Variants in SAXO1 observed in about 807,000 individuals in gnomAD.
SAXO1 encodes stabilizer of axonemal microtubules 1.
A neutral mutation model predicts 17.5 loss-of-function variants in SAXO1; 21 were observed. The ratio of observed to expected loss-of-function variants is 1.20; its 90% confidence interval spans 0.85 to 1.72. The LOEUF (loss-of-function observed/expected upper bound fraction) is 1.72, where lower values mean the gene tolerates loss of function less well. Among genes scored for constraint, SAXO1 ranks in the 40% most tolerant of loss-of-function variants. The pLI is 0.00. For missense variants in SAXO1, 843 were observed against 596.0 expected, an observed-to-expected ratio of 1.41 and a Z score of -4.32; for synonymous variants, 274 against 216.5, an observed-to-expected ratio of 1.27 and a Z score of -2.33.
intron 1 of SAXO1, among the ~76,000 whole-genome samples, chr9:19,007,519 T>C (rs998233316): frequency 6.6e-6 from 1 of 152,230 alleles, no homozygotes; most frequent in Non-Finnish European, 1.5e-5. Context: ...GACTCCCTTC[T>C]TTTAGAAGTT....
intron 1 of SAXO1, among the ~76,000 whole-genome samples, chr9:19,031,005 A>G (rs1466871210): frequency 6.6e-6 from 1 of 152,246 alleles, no homozygotes; most frequent in Non-Finnish European, 1.5e-5. Context: ...AAGAGACACA[A>G]GAACAGACTC....
In SAXO1 at chr9:19,014,453, T is replaced by C. The variant is rs546667975; in HGVS notation, c.38+18418A>G. ...TCCAGCCTGGGCAACAGAGCGAAACTGTGTCTCAAAAAAAAAAAAAAAAAG... is the reference window on the plus strand; with the variant it reads ...TCCAGCCTGGGCAACAGAGCGAAACCGTGTCTCAAAAAAAAAAAAAAAAAG... On this transcript the variant is annotated intron_variant, in intron 1 of 3. Transcript: ENST00000380534. 2.1e-3 allele frequency among the ~76,000 whole-genome samples: 214 copies of C among 99,964 alleles called. 1 individual carries two copies. The highest frequency in any genetic ancestry group is 6.6e-3 in the African/African-American group (199 of 30,018). The allele number at this position is 99,964 out of a possible 152,430, so 65.6% of individuals were successfully genotyped here. A position where few individuals can be genotyped will look rare whatever the true frequency, so the allele number is the denominator to read the frequency against.
At chr9:19,031,383 G>A (rs1835763464) in intron 1 of SAXO1, among the ~76,000 whole-genome samples, 1 of 152,204 alleles carries the variant, frequency 6.6e-6, no homozygotes, top group Non-Finnish European at 1.5e-5. Context: ...CAACATGGTT[G>A]AAACCCTGTC....
intron 1 of SAXO1, among the ~76,000 whole-genome samples, chr9:19,014,799 C>G (rs1334216699): frequency 6.6e-6 from 1 of 152,162 alleles, no homozygotes; most frequent in Non-Finnish European, 1.5e-5. Flanking sequence ...CAACATCCAA[C>G]CATAGAGGCT....
chr9:18,957,420 G>A (rs1033432182), intron 1 of SAXO1, among the ~76,000 whole-genome samples: 4 of 152,176 alleles, frequency 2.6e-5, no homozygotes, highest in Non-Finnish European at 4.4e-5. Flanking sequence ...CTGGTCAGCA[G>A]CAGCCTTCAC....
In SAXO1 at chr9:18,941,830, A is replaced by G; in HGVS notation, c.228T>C (p.Phe76=). 8 of 1,614,162 alleles carry G rather than the reference A, an allele frequency of 5.0e-6. No homozygotes were observed. Among genetic ancestry groups the G allele is most frequent in the Non-Finnish European group, 6.8e-6 (8 of 1,180,002 alleles). ...MEGLTTSRRD[F]GPHKVAPVKV... is the part of the protein sequence containing the mutation. ...TCACTGGTGCCACTTTGTGAGGCCC[A>G]AAATCTCTCCTGTAAGGAAGCAAGT... Residue 76 remains phenylalanine, a synonymous_variant, in exon 3 of 4, where the codon TTT becomes TTC. Coordinates refer to ENST00000380534, the MANE Select transcript of SAXO1 (RefSeq NM_153707.4).
At chr9:18,972,877 A>T (rs1446265001) in intron 1 of SAXO1, among the ~76,000 whole-genome samples, 1 of 152,184 alleles carries the variant, frequency 6.6e-6, no homozygotes, top group Non-Finnish European at 1.5e-5. Flanking sequence ...TTTCCAACCC[A>T]GAGTACACAT....
intron 1 of SAXO1, among the ~76,000 whole-genome samples, chr9:18,977,993 CAAAAAAAAAAAAAAAAA>C (rs371914686): frequency 4.1e-5 from 4 of 98,660 alleles, no homozygotes; most frequent in Non-Finnish European, 3.8e-5. Flanking sequence ...GAGACCCTGC[CAAAAAAAAAAAAAAAAA>C]AAAAAAAAAA....
At chr9:18,941,269 T>C (rs1245824290) in intron 3 of SAXO1, among the ~76,000 whole-genome samples, 1 of 151,684 alleles carries the variant, frequency 6.6e-6, no homozygotes, top group Non-Finnish European at 1.5e-5. Flanking sequence ...CCTCACAGAC[T>C]GTAGTGTCTC....
intron 1 of SAXO1, among the ~76,000 whole-genome samples, chr9:19,039,607 A>G (rs186643228): frequency 1.3e-5 from 2 of 152,378 alleles, no homozygotes; most frequent in Admixed American, 1.3e-4. Flanking sequence ...TCAAGTGATA[A>G]AGGAGTATGC....
At chr9:18,997,231 A>G (rs1224950892) in intron 1 of SAXO1, among the ~76,000 whole-genome samples, 1 of 152,130 alleles carries the variant, frequency 6.6e-6, no homozygotes, top group Non-Finnish European at 1.5e-5. Flanking sequence ...GGAACCGTAC[A>G]CTCCTGCCCA....
At chr9:18,996,613 C>CA (rs1834012152) in intron 1 of SAXO1, among the ~76,000 whole-genome samples, 2 of 151,950 alleles carry the variant, frequency 1.3e-5, no homozygotes, top group East Asian at 3.9e-4. Context: ...TGCATCTCTA[C>CA]AAAAAAAGCA....
At chr9:18,988,426 G>A (rs1053862373) in intron 1 of SAXO1, among the ~76,000 whole-genome samples, 2 of 152,170 alleles carry the variant, frequency 1.3e-5, no homozygotes, top group African/African-American at 4.8e-5. Context: ...CAAATCCTAA[G>A]GTGAGCAAAA....
intron 1 of SAXO1, among the ~76,000 whole-genome samples, chr9:18,998,749 G>A (rs1329463523): frequency 6.6e-6 from 1 of 152,174 alleles, no homozygotes; most frequent in Non-Finnish European, 1.5e-5. Flanking sequence ...AAGCCCATTA[G>A]ACTAACAGCA....
intron 1 of SAXO1, among the ~76,000 whole-genome samples, chr9:18,978,811 G>C (rs181180145): frequency 6.6e-6 from 1 of 152,282 alleles, no homozygotes; most frequent in African/African-American, 2.4e-5. Context: ...TTGCCCAAGA[G>C]CCAAGATCCA....
rs563594927 is a variant in SAXO1, at chr9:18,940,467, G to C, written c.421+1170C>G. On this transcript the variant is annotated intron_variant, in intron 3 of 3. Coordinates refer to ENST00000380534, the MANE Select transcript of SAXO1 (RefSeq NM_153707.4). ...GGAAGAATCAGAGAAACTCAACTAA[G>C]CACAGGGTCCTCCAGGATGACAGAA... is the stretch of plus-strand genomic sequence containing the variant. Among the ~76,000 whole-genome samples, 21 of 152,312 alleles carry C rather than the reference G, an allele frequency of 1.4e-4. 1 individual carries two copies. Among genetic ancestry groups the C allele is most frequent in the African/African-American group, 5.1e-4 (21 of 41,558 alleles).
chr9:18,958,252 T>C (rs1832333667), intron 1 of SAXO1, among the ~76,000 whole-genome samples: 1 of 151,998 alleles, frequency 6.6e-6, no homozygotes, highest in Admixed American at 6.6e-5. Context: ...GGTGAAACCT[T>C]GTCTCTACTA....
intron 2 of SAXO1, among the ~76,000 whole-genome samples, chr9:18,946,725 C>G (rs1386194783): frequency 3.9e-5 from 6 of 151,928 alleles, no homozygotes; most frequent in Non-Finnish European, 8.8e-5. Context: ...TTTAAAGTAG[C>G]TTTTTAAACC....
intron 1 of SAXO1, among the ~76,000 whole-genome samples, chr9:18,954,940 T>C (rs1047385160): frequency 6.6e-6 from 1 of 150,950 alleles, no homozygotes; most frequent in African/African-American, 2.4e-5. Flanking sequence ...AACAAGAATA[T>C]AATAGGTTCC....
Sources: allele counts gnomAD v4.1 joint callset (sites outside exome capture counted in the v4.1 genomes callset), GRCh38; gene constraint gnomAD v4.1.1; transcripts MANE v1.5; gene names NCBI Gene and HGNC (gene_info 2026-07-23, HGNC 2026-07-21).